AK7: variants seen among roughly 807,000 people sequenced by gnomAD.
AK7 encodes ATP-AMP transphosphorylase 7.
AK7 carries 78 observed loss-of-function variants against 96.6 expected under a neutral mutation model. The ratio of observed to expected loss-of-function variants is 0.81; its 90% CI spans 0.67 to 0.97. The LOEUF (loss-of-function observed/expected upper bound fraction) is 0.97. AK7 is among the 50% of genes least tolerant of loss of function. AK7 has a pLI of 0.00. For synonymous variants in AK7, 302 were observed against 317.2 expected (o/e 0.95, Z 0.51); for missense variants, 855 against 887.9 (o/e 0.96, Z 0.47).
At chr14:96,435,315 A>G (rs370370222) in intron 5 of AK7, among the ~76,000 whole-genome samples, 2 of 152,192 alleles carry the variant, frequency 1.3e-5, no homozygotes, top group East Asian at 3.9e-4. Flanking sequence ...CAGGTGATGA[A>G]TGCTGCCGAG....
intron 12 of AK7, among the ~76,000 whole-genome samples, chr14:96,468,296 C>CTTTTTTTT (rs67009492): frequency 1.0e-5 from 1 of 98,552 alleles, no homozygotes; most frequent in African/African-American, 3.8e-5. Flanking sequence ...GCACTCTTTC[C>CTTTTTTTT]TTTTTTTTTT....
intron 14 of AK7, among the ~76,000 whole-genome samples, chr14:96,472,994 A>G (rs1894980977): frequency 6.6e-6 from 1 of 151,930 alleles, no homozygotes; most frequent in African/African-American, 2.4e-5. Context: ...AGGCAGGAGA[A>G]TCACTTGAAC....
In AK7 at chr14:96,412,314, G is replaced by A. The variant is rs547259250; in HGVS notation, c.498+3373G>A. ...ACAATCTCAGCTCACTGCAACCTCCGCCTCCCAGGTTCAAGCAATTCTCTT... is the reference window on the plus strand; with the variant it reads ...ACAATCTCAGCTCACTGCAACCTCCACCTCCCAGGTTCAAGCAATTCTCTT... On this transcript the variant is annotated intron_variant, in intron 4 of 17. Transcript: ENST00000267584. Among the ~76,000 whole-genome samples, 13 of 143,678 alleles carry A rather than the reference G, an allele frequency of 9.0e-5. 1 individual carries two copies. The Middle Eastern group carries it at 0.019, about 209-fold the overall frequency. The allele number at this position is 143,678 out of a possible 152,430, so 94.3% of individuals were successfully genotyped here.
intron 7 of AK7, among the ~76,000 whole-genome samples, chr14:96,444,731 C>G (rs1242562268): frequency 6.8e-6 from 1 of 147,474 alleles, no homozygotes; most frequent in East Asian, 2.0e-4. Context: ...TTTTTTTTTC[C>G]TTTTGAGATG....
intron 11 of AK7, among the ~76,000 whole-genome samples, chr14:96,457,370 T>C (rs1019972001): frequency 6.6e-6 from 1 of 152,212 alleles, no homozygotes; most frequent in African/African-American, 2.4e-5. Context: ...CTGAAATGGC[T>C]TGTAACTACT....
intron 12 of AK7, among the ~76,000 whole-genome samples, chr14:96,470,687 G>GAAAAAGCA: frequency 6.6e-6 from 1 of 152,148 alleles, no homozygotes. Context: ...ACAGAGAAAA[G>GAAAAAGCA]TGCCTTTGAG....
intron 17 of AK7, among the ~76,000 whole-genome samples, chr14:96,487,469 G>A (rs556598271): frequency 4.2e-4 from 54 of 129,446 alleles, no homozygotes; most frequent in Non-Finnish European, 6.8e-4. Context: ...TCACTCTGTC[G>A]TCCAGGCTGG....
At chr14:96,483,589 T>A (rs534000441) in intron 16 of AK7, among the ~76,000 whole-genome samples, 1 of 152,076 alleles carries the variant, frequency 6.6e-6, no homozygotes, top group Non-Finnish European at 1.5e-5. Flanking sequence ...GCCCAGCTCA[T>A]TTTTCTGTTT....
chr14:96,487,235 AT>A (rs1367522185), intron 17 of AK7, among the ~76,000 whole-genome samples, 179 bp downstream of exon 17: 1 of 148,502 alleles, frequency 6.7e-6, no homozygotes, highest in African/African-American at 2.5e-5. Context: ...AAAAAAAAAA[AT>A]TAGCTGGGTG....
intron 12 of AK7, among the ~76,000 whole-genome samples, chr14:96,462,965 C>T (rs542627751): frequency 7.8e-4 from 118 of 152,060 alleles, no homozygotes; most frequent in African/African-American, 2.7e-3. Flanking sequence ...GTGAAACCCT[C>T]TCTCTGCTAA....
intron 10 of AK7, among the ~76,000 whole-genome samples, chr14:96,454,205 T>C (rs2140118388): frequency 6.6e-6 from 1 of 152,334 alleles, no homozygotes; most frequent in South Asian, 2.1e-4. Context: ...TGAAATTATA[T>C]AATCTGTAAG....
intron 5 of AK7, among the ~76,000 whole-genome samples, chr14:96,425,551 C>T (rs1339641839): frequency 7.2e-6 from 1 of 139,330 alleles, no homozygotes; most frequent in Non-Finnish European, 1.5e-5. Context: ...GGCATGATCT[C>T]GGGTCACTGC....
intron 5 of AK7, among the ~76,000 whole-genome samples, chr14:96,422,477 T>C (rs1182882424): frequency 6.6e-6 from 1 of 152,234 alleles, no homozygotes; most frequent in African/African-American, 2.4e-5. Flanking sequence ...AGGGTGTTTA[T>C]AGTCCTATCT....
intron 15 of AK7, 88 bp downstream of exon 15, chr14:96,478,750 G>A (rs1895336539): frequency 2.3e-6 from 3 of 1,322,608 alleles, no homozygotes; most frequent in Non-Finnish European, 3.1e-6. Flanking sequence ...GGGCTGGGGG[G>A]AGGGTGGGGA....
chr14:96,457,272 G>T (rs1366259553), intron 11 of AK7, among the ~76,000 whole-genome samples: 3 of 151,982 alleles, frequency 2.0e-5, no homozygotes, highest in Non-Finnish European at 2.9e-5. Flanking sequence ...TGTTGGCCAG[G>T]CTGGTCTTGA....
At chr14:96,465,100 G>C (rs903123760) in intron 12 of AK7, among the ~76,000 whole-genome samples, 1 of 152,154 alleles carries the variant, frequency 6.6e-6, no homozygotes, top group African/African-American at 2.4e-5. Context: ...CAACAATTCA[G>C]TGAGTTTACT....
Position 96,483,944 on chromosome 14 carries a change from CTT to C in AK7, c.1974+726_1974+727del, listed in dbSNP as rs144215615. On this transcript the variant is annotated intron_variant, in intron 16 of 17. Transcript: ENST00000267584. The stretch of plus-strand genomic sequence containing the variant: ...TGATTCTGCTTCCAAAAATAGCACT[CTT>C]AGGCTGGGCATGGTGGTTCATACCT... Among the ~76,000 whole-genome samples, 1,349 of 152,074 alleles carry C rather than the reference CTT, an allele frequency of 8.9e-3. 27 individuals are homozygous for C. Among genetic ancestry groups the C allele is most frequent in the African/African-American group, 0.031 (1,291 of 41,474 alleles).
intron 12 of AK7, among the ~76,000 whole-genome samples, chr14:96,463,699 G>A (rs111614250): frequency 0.052 from 6,777 of 130,282 alleles, 316 homozygotes; most frequent in African/African-American, 0.14. Context: ...CAGCCTGGGC[G>A]ACAGAGCAAT....
chr14:96,440,294 A>G (rs1330142727), intron 6 of AK7, among the ~76,000 whole-genome samples: 1 of 152,068 alleles, frequency 6.6e-6, no homozygotes, highest in Non-Finnish European at 1.5e-5. Context: ...TTTTTAATAC[A>G]AGAGATATGA....
Sources: gnomAD v4.1 joint callset for allele counts (sites outside exome capture counted in the v4.1 genomes callset) on GRCh38, gnomAD v4.1.1 for gene constraint, MANE v1.5 for transcripts, NCBI Gene and HGNC (gene_info 2026-07-23, HGNC 2026-07-21) for gene names.